The following NRG1 variants were observed in gnomAD, a reference collection of about 807,000 sequenced individuals.
The protein encoded by NRG1 is pro-neuregulin-1, membrane-bound isoform.
NRG1 carries 18 observed loss-of-function variants against 63.8 expected under a neutral mutation model. The observed-to-expected ratio is 0.28, with a 90% CI of 0.19 to 0.42. The LOEUF (loss-of-function observed/expected upper bound fraction) is 0.42, where lower values mean the gene tolerates loss of function less well. Among genes scored for constraint, NRG1 ranks in the 10% least tolerant of loss-of-function variants. NRG1 has a pLI of 1.00. For missense variants in NRG1, 762 were observed against 814.7 expected (o/e 0.94, Z 0.79); for synonymous variants, 302 against 301.3 (o/e 1.00, Z -0.02).
intron 1 of NRG1, among the ~76,000 whole-genome samples, chr8:31,987,766 T>A (rs1554593846): frequency 6.6e-6 from 1 of 152,076 alleles, no homozygotes; most frequent in Non-Finnish European, 1.5e-5. Context: ...AAAAAAGGGA[T>A]AGATGTTAGA....
chr8:31,698,038 C>T (rs1400215195), intron 1 of NRG1, among the ~76,000 whole-genome samples: 3 of 152,062 alleles, frequency 2.0e-5, no homozygotes, highest in Admixed American at 6.6e-5. Context: ...TAAATGGTTA[C>T]TAGTCCTTCC....
chr8:32,654,985 CCA>C (rs1801144937), intron 5 of NRG1, among the ~76,000 whole-genome samples: 1 of 152,036 alleles, frequency 6.6e-6, no homozygotes, highest in Non-Finnish European at 1.5e-5. Context: ...GCAAGTTAGA[CCA>C]TCATGTTAAA....
intron 1 of NRG1, among the ~76,000 whole-genome samples, chr8:32,010,855 C>A (rs1356536758): frequency 2.0e-5 from 3 of 152,054 alleles, no homozygotes; most frequent in Non-Finnish European, 4.4e-5. Flanking sequence ...TCTTGCAGAA[C>A]TTAATGTACC....
At chr8:31,966,528 A>G (rs568338322) in intron 1 of NRG1, among the ~76,000 whole-genome samples, 1 of 152,326 alleles carries the variant, frequency 6.6e-6, no homozygotes, top group East Asian at 1.9e-4. Flanking sequence ...ATTATTTGAA[A>G]TTGCACCTTT....
At chr8:31,912,511 T>C (rs1833030439) in intron 1 of NRG1, among the ~76,000 whole-genome samples, 1 of 150,576 alleles carries the variant, frequency 6.6e-6, no homozygotes, top group Admixed American at 6.6e-5. Flanking sequence ...CTCTGAGAGT[T>C]TGGGTGTAGA....
chr8:32,201,095 G>T (rs1843459695), intron 1 of NRG1, among the ~76,000 whole-genome samples: 1 of 152,142 alleles, frequency 6.6e-6, no homozygotes, highest in African/African-American at 2.4e-5. Flanking sequence ...CTTGTCAACT[G>T]GCACCCAAGT....
intron 1 of NRG1, among the ~76,000 whole-genome samples, chr8:32,389,748 AGTCT>A (rs1263085160): frequency 8.0e-6 from 1 of 124,510 alleles, no homozygotes; most frequent in Admixed American, 9.4e-5. Context: ...CTTTTCTTTC[AGTCT>A]TTCTTTCTTT....
chr8:32,215,134 G>C (rs943667997), intron 1 of NRG1, among the ~76,000 whole-genome samples: 1 of 152,034 alleles, frequency 6.6e-6, no homozygotes, highest in Non-Finnish European at 1.5e-5. Context: ...TATTTTATTT[G>C]CCTGAAATTC....
At chr8:32,455,400 A>G (rs1821477642) in intron 1 of NRG1, among the ~76,000 whole-genome samples, 2 of 152,208 alleles carry the variant, frequency 1.3e-5, no homozygotes, top group Non-Finnish European at 2.9e-5. Context: ...TGAAGTTACA[A>G]TAGAGTAATT....
At chr8:31,923,763 T>C (rs561489173) in intron 1 of NRG1, among the ~76,000 whole-genome samples, 1 of 152,250 alleles carries the variant, frequency 6.6e-6, no homozygotes, top group South Asian at 2.1e-4. Context: ...GCTACACTGA[T>C]GTATTTTGCA....
intron 1 of NRG1, among the ~76,000 whole-genome samples, chr8:32,537,195 CAAAAAAAA>C (rs71208193): frequency 6.8e-5 from 3 of 43,818 alleles, no homozygotes; most frequent in African/African-American, 1.0e-4. Context: ...GACTCCATCT[CAAAAAAAA>C]AAAAAAAAAA....
intron 1 of NRG1, among the ~76,000 whole-genome samples, chr8:32,383,962 C>T (rs1202101774): frequency 6.6e-6 from 1 of 152,168 alleles, no homozygotes; most frequent in South Asian, 2.1e-4. Context: ...AAGCTGGGCA[C>T]AGTGGCTCAC....
chr8:32,516,757 A>G (rs1829860022), intron 1 of NRG1, among the ~76,000 whole-genome samples: 1 of 152,178 alleles, frequency 6.6e-6, no homozygotes, highest in Non-Finnish European at 1.5e-5. Flanking sequence ...TTGTTTTATA[A>G]AAGCCACAAA....
chr8:31,822,478 C>A (rs925434001), intron 1 of NRG1, among the ~76,000 whole-genome samples: 9 of 152,056 alleles, frequency 5.9e-5, no homozygotes, highest in Non-Finnish European at 1.0e-4. Context: ...ATGAGGCAAA[C>A]GGCCAAACCT....
At chr8:32,125,761 C>A (rs928603084) in intron 1 of NRG1, among the ~76,000 whole-genome samples, 9 of 151,874 alleles carry the variant, frequency 5.9e-5, no homozygotes, top group Non-Finnish European at 8.8e-5. Flanking sequence ...TAAGAAAGAT[C>A]TCCTTTTTAC....
intron 1 of NRG1, among the ~76,000 whole-genome samples, chr8:32,199,650 T>C (rs774642868): frequency 3.3e-4 from 50 of 152,238 alleles, no homozygotes; most frequent in Non-Finnish European, 6.8e-4. Flanking sequence ...TTTTTCTTTC[T>C]GCTGTTGTTT....
chr8:32,291,573 G>A (rs949306149), intron 1 of NRG1, among the ~76,000 whole-genome samples: 1 of 120,596 alleles, frequency 8.3e-6, no homozygotes, highest in East Asian at 2.5e-4. Context: ...GAGTCTCGCT[G>A]TGTTGCCCAT....
intron 1 of NRG1, among the ~76,000 whole-genome samples, chr8:32,418,405 A>C (rs1339592826): frequency 6.6e-6 from 1 of 151,680 alleles, no homozygotes; most frequent in African/African-American, 2.4e-5. Flanking sequence ...TCTCTTTTAT[A>C]TACATAGAAC....
chr8:31,999,214 C>T (rs1484340179), intron 1 of NRG1, among the ~76,000 whole-genome samples: 1 of 151,858 alleles, frequency 6.6e-6, no homozygotes, highest in Non-Finnish European at 1.5e-5. Flanking sequence ...CATGATGACA[C>T]TGTTAAGAAG....
Sources: gnomAD v4.1 joint callset for allele counts (sites outside exome capture counted in the v4.1 genomes callset) on GRCh38, gnomAD v4.1.1 for gene constraint, MANE v1.5 for transcripts, NCBI Gene and HGNC (gene_info 2026-07-23, HGNC 2026-07-21) for gene names.